The following GCLC variants were observed in gnomAD, a reference collection of about 807,000 sequenced individuals.
GCLC encodes the protein glutamate-cysteine ligase catalytic subunit, also known as glutamate--cysteine ligase catalytic subunit.
Under a neutral mutation model 81.5 loss-of-function variants are expected in GCLC, and 30 were observed. That is an observed-to-expected ratio of 0.37 (90% CI 0.28 to 0.50). The LOEUF (loss-of-function observed/expected upper bound fraction) is 0.50, where lower values mean the gene tolerates loss of function less well. GCLC is among the 20% of genes least tolerant of loss of function. The probability of loss-of-function intolerance (pLI) is 0.96; values close to 1 mark genes in which losing one functional copy is unlikely to be tolerated. For missense variants in GCLC, 556 were observed against 777.4 expected, an observed-to-expected ratio of 0.72 and a Z score of 3.39; for synonymous variants, 262 against 273.3, an observed-to-expected ratio of 0.96 and a Z score of 0.41.
In GCLC at chr6:53,538,350, G is replaced by A. The variant is rs1382115183; in HGVS notation, c.150+6146C>T. ...ATTTTCTTTTTTTTTTTTTTGAGAT[G>A]CAGTCTCGCTCTGCCGCCCAGGCTG... is the stretch of plus-strand genomic sequence containing the variant. On this transcript the variant is annotated intron_variant, in intron 1 of 15. Transcript: ENST00000650454. Among the ~76,000 whole-genome samples, 5 of 142,256 alleles carry A rather than the reference G, an allele frequency of 3.5e-5. No individual in the cohort carries two copies. In the East Asian group the frequency reaches 1.0e-3, roughly 29 times the overall value. 93.3% of individuals were successfully genotyped at this position (142,256 alleles called of 152,430 possible).
chr6:53,544,313 T>C (rs1033548966), intron 1 of GCLC, among the ~76,000 whole-genome samples, 183 bp downstream of exon 1: 1 of 152,190 alleles, frequency 6.6e-6, no homozygotes, highest in Non-Finnish European at 1.5e-5. Flanking sequence ...GTCAGGAGGA[T>C]GGCCCTGGAC....
rs1026658266 is a variant in GCLC, at chr6:53,519,872, TA to T, written c.446+905del. 2.9e-3 allele frequency among the ~76,000 whole-genome samples: 419 copies of T among 146,028 alleles called. 2 individuals carry two copies. Among genetic ancestry groups the T allele is most frequent in the African/African-American group, 9.2e-3 (366 of 39,998 alleles). On this transcript the variant is annotated intron_variant, in intron 3 of 15. Transcript: ENST00000650454. ...CTATTTAGATGTTACAGTAGAGATA[TA>T]AAAAAAAAAATAGAATTCCCATTTA...
Position 53,544,781 on chromosome 6 carries a change from C to T in GCLC, c.-136G>A, listed in dbSNP as rs1308057057. 2 of 844,582 alleles carry T rather than the reference C, an allele frequency of 2.4e-6. No homozygotes were observed. The highest frequency in any genetic ancestry group is 3.8e-5 in the South Asian group (2 of 52,892). The allele number at this position is 844,582 out of a possible 1,614,324, so 52.3% of individuals were successfully genotyped here. A position where few individuals can be genotyped will look rare whatever the true frequency, so the allele number is the denominator to read the frequency against. The stretch of plus-strand genomic sequence containing the variant: ...GGGGGCGCTCTCGGGCCGCAGTCGG[C>T]GGAGGGAGGGTCCTGCCCGCTCCGG... On this transcript the variant is annotated 5_prime_UTR_variant, in exon 1 of 16. Transcript: ENST00000650454.
intron 1 of GCLC, among the ~76,000 whole-genome samples, chr6:53,523,500 A>G (rs1036844267): frequency 1.3e-5 from 2 of 152,216 alleles, no homozygotes; most frequent in Non-Finnish European, 2.9e-5. Flanking sequence ...TTTGGCCTAC[A>G]ATAGTAGTTT....
At chr6:53,542,842 C>G (rs923791284) in intron 1 of GCLC, among the ~76,000 whole-genome samples, 1 of 152,092 alleles carries the variant, frequency 6.6e-6, no homozygotes, top group Non-Finnish European at 1.5e-5. Flanking sequence ...AACCCTATCT[C>G]TACTAAAAAT....
Position 53,531,773 on chromosome 6 carries a change from G to T in GCLC, c.151-9246C>A, listed in dbSNP as rs548878100. ...TCCTTCCCCTTTCCACCCTCAAGGGGTGCTACCCACCCTGGTGCCTCCTAA... is the reference window on the plus strand; with the variant it reads ...TCCTTCCCCTTTCCACCCTCAAGGGTTGCTACCCACCCTGGTGCCTCCTAA... On this transcript the variant is annotated intron_variant, in intron 1 of 15. Coordinates refer to ENST00000650454, the MANE Select transcript of GCLC (RefSeq NM_001498.4). Among the ~76,000 whole-genome samples, 8 of 152,278 alleles carry T rather than the reference G, an allele frequency of 5.3e-5. 1 individual carries two copies. The South Asian group carries it at 1.2e-3, about 24-fold the overall frequency.
Position 53,498,919 on chromosome 6 carries a change from T to C in GCLC, c.1751A>G (p.His584Arg). ...GACACTGTCTTGCTTGTAGTCAGGA[T>C]GGTTTGCGATAAACTCCCTCATCCA... ...ARWMREFIAN[H>R]PDYKQDSVIT... The change falls in exon 16 of 16, where the codon CAT (histidine) becomes CGT (arginine). Residue 584 changes from histidine to arginine, a missense_variant. This residue lies in a region of GCLC where 313 missense variants were observed against 437.3 expected (regional missense o/e 0.72). Coordinates refer to ENST00000650454, the MANE Select transcript of GCLC (RefSeq NM_001498.4). 3 of 1,613,742 alleles carry C rather than the reference T, an allele frequency of 1.9e-6. No homozygotes were observed. The highest frequency in any genetic ancestry group is 2.5e-6 in the Non-Finnish European group (3 of 1,179,680).
chr6:53,544,441 A>G (rs1259432538), intron 1 of GCLC, 55 bp downstream of exon 1: 1 of 1,583,590 alleles, frequency 6.3e-7, no homozygotes, highest in Non-Finnish European at 8.6e-7. Flanking sequence ...AGACAAAGGC[A>G]GCGCGGGCGG....
At chr6:53,524,635 T>G (rs1247605959) in intron 1 of GCLC, among the ~76,000 whole-genome samples, 2 of 152,176 alleles carry the variant, frequency 1.3e-5, no homozygotes, top group Non-Finnish European at 2.9e-5. Flanking sequence ...TTCACTCACT[T>G]AGACTCCAAC....
At chr6:53,514,089 A>G (rs1342264073) in intron 6 of GCLC, 115 bp downstream of exon 6, 2 of 955,838 alleles carry the variant, frequency 2.1e-6, no homozygotes, top group Non-Finnish European at 3.4e-6. Context: ...CATACCAGCT[A>G]CCATTTCAAC....
At chr6:53,509,447 C>T in intron 6 of GCLC, 197 bp from the exon 7 acceptor site, 1 of 628,836 alleles carries the variant, frequency 1.6e-6, no homozygotes, top group Non-Finnish European at 2.8e-6. Flanking sequence ...AATTATGTTC[C>T]ACTGCCTATA....
At chr6:53,511,669 T>G (rs151264139) in intron 6 of GCLC, among the ~76,000 whole-genome samples, 2,181 of 152,058 alleles carry the variant, frequency 0.014, 25 homozygotes, top group Middle Eastern at 0.085. Flanking sequence ...GGATAATGGC[T>G]TTAATGGAAG....
intron 1 of GCLC, among the ~76,000 whole-genome samples, chr6:53,536,477 T>C (rs1396620980): frequency 6.6e-6 from 1 of 152,202 alleles, no homozygotes; most frequent in African/African-American, 2.4e-5. Context: ...TGTTAAAATG[T>C]TTTTTTAAAA....
intron 3 of GCLC, among the ~76,000 whole-genome samples, chr6:53,519,186 A>T (rs1339869536): frequency 1.3e-5 from 2 of 152,188 alleles, no homozygotes; most frequent in South Asian, 4.1e-4. Flanking sequence ...ACTAAAATTT[A>T]TGGTTAACCT....
chr6:53,528,253 T>C (rs1368544360), intron 1 of GCLC, among the ~76,000 whole-genome samples: 1 of 152,176 alleles, frequency 6.6e-6, no homozygotes, highest in Non-Finnish European at 1.5e-5. Context: ...GTAATAAAAT[T>C]ACATATGGCT....
At chr6:53,540,166 T>C (rs879298009) in intron 1 of GCLC, among the ~76,000 whole-genome samples, 14 of 152,302 alleles carry the variant, frequency 9.2e-5, no homozygotes, top group Non-Finnish European at 1.8e-4. Flanking sequence ...CTATTCCATT[T>C]AATATTTTAA....
chr6:53,537,632 AATAAATAC>A (rs1285443652), intron 1 of GCLC, among the ~76,000 whole-genome samples: 129 of 151,422 alleles, frequency 8.5e-4, no homozygotes, highest in African/African-American at 2.3e-3. Flanking sequence ...TAAATAAATA[AATAAATAC>A]ATAAATACAT....
At chr6:53,499,336 C>A (rs1368557090) in intron 15 of GCLC, among the ~76,000 whole-genome samples, 1 of 152,168 alleles carries the variant, frequency 6.6e-6, no homozygotes, top group African/African-American at 2.4e-5. Context: ...ATGAGACTGC[C>A]TCAGAGGACT....
chr6:53,513,856 A>G (rs922865213), intron 6 of GCLC: 1 of 263,594 alleles, frequency 3.8e-6, no homozygotes. Context: ...CAATATTTAA[A>G]CCACCTCACT....
Sources: allele counts gnomAD v4.1 joint callset (sites outside exome capture counted in the v4.1 genomes callset), GRCh38; gene constraint gnomAD v4.1.1; regional missense constraint gnomAD v4.1.1; transcripts MANE v1.5; gene names NCBI Gene and HGNC (gene_info 2026-07-23, HGNC 2026-07-21).